The following ULK4 variants were observed in gnomAD, a reference collection of about 807,000 sequenced individuals.
The protein encoded by ULK4 is unc-51 like kinase 4, also known as inactive serine/threonine-protein kinase ULK4.
A neutral mutation model predicts 160.6 loss-of-function variants in ULK4; 133 were observed. The ratio of observed to expected loss-of-function variants is 0.83; its 90% confidence interval spans 0.72 to 0.96. ULK4 has a LOEUF of 0.96. Ranked by LOEUF, ULK4 falls within the 40% of genes least tolerant of loss-of-function variation. The pLI is 0.00. For missense variants in ULK4, 1,580 were observed against 1,499.5 expected (o/e 1.05, Z -0.89); for synonymous variants, 534 against 539.8 (o/e 0.99, Z 0.15).
intron 30 of ULK4, among the ~76,000 whole-genome samples, chr3:41,652,782 A>C (rs977348180): frequency 3.3e-5 from 5 of 152,152 alleles, no homozygotes; most frequent in African/African-American, 1.2e-4. Flanking sequence ...ACACAATGAA[A>C]CTTAAAACAC....
Position 41,933,678 on chromosome 3 carries a change from A to G in ULK4, c.379-1672T>C, listed in dbSNP as rs74567137. ...ACCCTGGCCACTGCCTTGTACAGCT[A>G]TGAACTAAGAGTGTTGGATTTTTTT... is the stretch of plus-strand genomic sequence containing the variant. On this transcript the variant is annotated intron_variant, in intron 4 of 36. Coordinates refer to ENST00000301831, the MANE Select transcript of ULK4 (RefSeq NM_017886.4). Among the ~76,000 whole-genome samples, 1,021 of 151,812 alleles carry G rather than the reference A, an allele frequency of 6.7e-3. 10 individuals are homozygous for G. Among genetic ancestry groups the G allele is most frequent in the African/African-American group, 0.024 (981 of 41,128 alleles).
rs114388331 is a variant in ULK4, at chr3:41,750,428, T to C, written c.2321+3933A>G. 2.4e-3 allele frequency among the ~76,000 whole-genome samples: 368 copies of C among 152,322 alleles called. 1 individual carries two copies. The highest frequency in any genetic ancestry group is 7.9e-3 in the African/African-American group (328 of 41,572). ...TCCATCTGTTCTTTACTCCTCCTAATGTTCTTGGCACTTGGCATGTGAGAT... is the reference window on the plus strand; with the variant it reads ...TCCATCTGTTCTTTACTCCTCCTAACGTTCTTGGCACTTGGCATGTGAGAT... On this transcript the variant is annotated intron_variant, in intron 22 of 36. Coordinates refer to ENST00000301831, the MANE Select transcript of ULK4 (RefSeq NM_017886.4).
chr3:41,486,174 G>A (rs1056575325), intron 32 of ULK4, among the ~76,000 whole-genome samples: 8 of 152,046 alleles, frequency 5.3e-5, no homozygotes, highest in African/African-American at 1.7e-4. Flanking sequence ...AAATTCCACA[G>A]GGGCAGGAAT....
At chr3:41,421,756 C>T (rs560254741) in intron 34 of ULK4, among the ~76,000 whole-genome samples, 3 of 152,168 alleles carry the variant, frequency 2.0e-5, no homozygotes, top group Admixed American at 1.3e-4. Flanking sequence ...TGGTATGAGA[C>T]TTATTATAGC....
chr3:41,396,013 T>C (rs539755633), intron 35 of ULK4, among the ~76,000 whole-genome samples: 1 of 152,284 alleles, frequency 6.6e-6, no homozygotes, highest in East Asian at 1.9e-4. Context: ...TCTTATTAAT[T>C]AATCTGTATG....
intron 27 of ULK4, among the ~76,000 whole-genome samples, chr3:41,702,800 A>G (rs1194486713): frequency 6.6e-6 from 1 of 151,940 alleles, no homozygotes; most frequent in Non-Finnish European, 1.5e-5. Flanking sequence ...TCTTTCAGTA[A>G]TTTATAGAAA....
intron 18 of ULK4, among the ~76,000 whole-genome samples, chr3:41,820,837 C>G (rs907548864): frequency 6.6e-6 from 1 of 152,162 alleles, no homozygotes. Flanking sequence ...TATTTTACAC[C>G]CATGAGAAGA....
At chr3:41,804,896 T>C (rs1489608345) in intron 19 of ULK4, among the ~76,000 whole-genome samples, 2 of 152,150 alleles carry the variant, frequency 1.3e-5, no homozygotes, top group African/African-American at 2.4e-5. Flanking sequence ...CCTTGTAGTA[T>C]AGTTTGAAGT....
chr3:41,921,128 C>T (rs1328297896), intron 5 of ULK4, among the ~76,000 whole-genome samples: 2 of 151,136 alleles, frequency 1.3e-5, no homozygotes, highest in Non-Finnish European at 3.0e-5. Context: ...CCTGGCCAAC[C>T]TGGTGAAACC....
At chr3:41,772,294 A>G (rs1182291620) in intron 21 of ULK4, among the ~76,000 whole-genome samples, 2 of 152,214 alleles carry the variant, frequency 1.3e-5, no homozygotes, top group Admixed American at 6.5e-5. Context: ...GGTTTTTTGA[A>G]AAGATCAACA....
At chr3:41,733,894 C>G (rs2125869181) in intron 22 of ULK4, among the ~76,000 whole-genome samples, 1 of 152,008 alleles carries the variant, frequency 6.6e-6, no homozygotes, top group East Asian at 1.9e-4. Context: ...GCCACCACGC[C>G]CAGCTAATTT....
intron 18 of ULK4, among the ~76,000 whole-genome samples, chr3:41,824,524 C>T (rs950265635): frequency 1.2e-4 from 18 of 152,326 alleles, no homozygotes; most frequent in Middle Eastern, 6.8e-3. Context: ...TTATATCCCA[C>T]GCCTGGCTCG....
At chr3:41,749,809 T>C (rs2038552716) in intron 22 of ULK4, among the ~76,000 whole-genome samples, 1 of 152,148 alleles carries the variant, frequency 6.6e-6, no homozygotes, top group Admixed American at 6.5e-5. Context: ...CTCTGACTGA[T>C]GGCAGAGGAG....
intron 22 of ULK4, among the ~76,000 whole-genome samples, chr3:41,746,272 CAAA>C (rs34582395): frequency 1.5e-4 from 7 of 45,720 alleles, no homozygotes; most frequent in South Asian, 6.8e-4. Flanking sequence ...CTGGAACCCA[CAAA>C]AAAAAAAAAA....
chr3:41,663,057 CTAA>C (rs2035234371), intron 30 of ULK4, among the ~76,000 whole-genome samples: 1 of 151,866 alleles, frequency 6.6e-6, no homozygotes, highest in Admixed American at 6.6e-5. Context: ...CCCATCTCTA[CTAA>C]AAATACAAAA....
intron 21 of ULK4, among the ~76,000 whole-genome samples, chr3:41,775,865 C>G (rs2039595417): frequency 6.6e-6 from 1 of 150,832 alleles, no homozygotes; most frequent in Non-Finnish European, 1.5e-5. Context: ...TTGTTCATTT[C>G]TAATTGCTGT....
intron 16 of ULK4, among the ~76,000 whole-genome samples, chr3:41,893,233 C>G (rs1698031268): frequency 6.6e-6 from 1 of 152,020 alleles, no homozygotes; most frequent in African/African-American, 2.4e-5. Context: ...GGTTATACAA[C>G]AATGAGAATG....
intron 32 of ULK4, among the ~76,000 whole-genome samples, chr3:41,487,530 G>C (rs534608837): frequency 1.1e-4 from 16 of 152,090 alleles, no homozygotes; most frequent in Admixed American, 2.0e-4. Flanking sequence ...ACAGAGTCTA[G>C]ACGTAGATAA....
At chr3:41,719,907 C>T (rs1292593697) in intron 22 of ULK4, among the ~76,000 whole-genome samples, 3 of 152,190 alleles carry the variant, frequency 2.0e-5, no homozygotes, top group African/African-American at 4.8e-5. Flanking sequence ...CTTGTTTTCT[C>T]TCCCTCCTGT....
Sources: gnomAD v4.1 joint callset for allele counts (sites outside exome capture counted in the v4.1 genomes callset) on GRCh38, gnomAD v4.1.1 for gene constraint, MANE v1.5 for transcripts, NCBI Gene and HGNC (gene_info 2026-07-23, HGNC 2026-07-21) for gene names.